The following DAB2IP variants were observed in gnomAD, a reference collection of about 807,000 sequenced individuals.
The protein encoded by DAB2IP is disabled homolog 2-interacting protein.
A neutral mutation model predicts 107.2 loss-of-function variants in DAB2IP; 28 were observed. That is an observed-to-expected ratio of 0.26 (90% CI 0.19 to 0.36). The LOEUF (loss-of-function observed/expected upper bound fraction) is 0.36. Ranked by LOEUF, DAB2IP falls within the 10% of genes least tolerant of loss-of-function variation. DAB2IP has a pLI of 1.00. For synonymous variants in DAB2IP, 755 were observed against 706.4 expected (o/e 1.07, Z -1.09); for missense variants, 1,400 against 1,644.7 (o/e 0.85, Z 2.57).
exon 16 of DAB2IP, chr9:121,783,275 T>TC (rs1835787916): frequency 7.3e-7 from 1 of 1,363,458 alleles, no homozygotes; most frequent in Non-Finnish European, 9.5e-7. Flanking sequence ...TTCCCACACC[T>TC]CCCACACAGG....
chr9:121,730,046 G>A (rs1341372111), intron 3 of DAB2IP, among the ~76,000 whole-genome samples: 1 of 152,104 alleles, frequency 6.6e-6, no homozygotes, highest in Non-Finnish European at 1.5e-5. Flanking sequence ...AAAGCTGTTG[G>A]TAAGGTCAGG....
intron 1 of DAB2IP, among the ~76,000 whole-genome samples, chr9:121,627,607 G>A (rs923820851): frequency 6.6e-6 from 1 of 151,982 alleles, no homozygotes; most frequent in African/African-American, 2.4e-5. Flanking sequence ...GAGTCGGTGG[G>A]TCATGATCTT....
chr9:121,693,837 A>G (rs1431239545), intron 2 of DAB2IP, among the ~76,000 whole-genome samples: 1 of 152,210 alleles, frequency 6.6e-6, no homozygotes, highest in African/African-American at 2.4e-5. Context: ...AGCACCTACT[A>G]TGTGCTAGGC....
At chr9:121,750,063 C>G (rs1190254225) in intron 3 of DAB2IP, among the ~76,000 whole-genome samples, 1 of 152,158 alleles carries the variant, frequency 6.6e-6, no homozygotes, top group Non-Finnish European at 1.5e-5. Context: ...TCACTGACAC[C>G]CCTGCCCTCC....
intron 1 of DAB2IP, among the ~76,000 whole-genome samples, chr9:121,625,696 TCTGAACTGTTGCTTC>T (rs1160567930): frequency 6.6e-6 from 1 of 151,398 alleles, no homozygotes; most frequent in African/African-American, 2.4e-5. Flanking sequence ...TGATGCCAGT[TCTGAACTGTTGCTTC>T]CTGGGGCACC....
At chr9:121,687,525 C>G (rs1021172381) in intron 2 of DAB2IP, among the ~76,000 whole-genome samples, 2 of 152,160 alleles carry the variant, frequency 1.3e-5, no homozygotes, top group African/African-American at 4.8e-5. Context: ...GTAAGGCGGG[C>G]ATTGTGGGAG....
intron 1 of DAB2IP, chr9:121,598,706 A>C (rs1830587892): frequency 6.6e-6 from 1 of 152,278 alleles, no homozygotes; most frequent in African/African-American, 2.4e-5. Context: ...TTGGCCCCAG[A>C]TCCGCGACTG....
chr9:121,672,398 T>A (rs1041747447), intron 1 of DAB2IP, among the ~76,000 whole-genome samples: 10 of 152,240 alleles, frequency 6.6e-5, no homozygotes, highest in African/African-American at 2.4e-4. Context: ...AGGATGTTCC[T>A]CAGGCCGCCG....
rs1288671804 is a variant in DAB2IP at position 121,635,112 on chromosome 9, G to A, written c.41-43566G>A. Among the ~76,000 whole-genome samples the A allele has an allele frequency of 2.0e-5, 3 of 152,342 alleles. No homozygotes were observed. Among genetic ancestry groups the A allele is most frequent in the South Asian group, 2.1e-4 (1 of 4,830 alleles). On this transcript the variant is annotated intron_variant, in intron 1 of 16. Coordinates refer to the DAB2IP transcript ENST00000259371. The surrounding 1 kb of genome is among the most constrained non-coding windows in gnomAD (Gnocchi z 4.3). ...GCTTGGCAGAGGGTGGCTATGGAGT[G>A]GAGGGGGCTGGAGAGGCCAGGCCTC...
At chr9:121,756,983 G>C (rs748316736) in intron 3 of DAB2IP, 30 bp from the exon 4 acceptor site, 1 of 1,613,030 alleles carries the variant, frequency 6.2e-7, no homozygotes, top group Admixed American at 1.7e-5. Flanking sequence ...GGCTGTGGGG[G>C]CCCACCTGAC....
chr9:121,575,053 G>A (rs1315519432), intron 1 of DAB2IP: 1 of 152,628 alleles, frequency 6.6e-6, no homozygotes, highest in African/African-American at 2.4e-5. Flanking sequence ...CCTGTGCCTG[G>A]AGCAGGGCGG....
intron 4 of DAB2IP, among the ~76,000 whole-genome samples, chr9:121,757,953 G>A (rs1319040869): frequency 3.9e-5 from 6 of 152,198 alleles, no homozygotes; most frequent in African/African-American, 9.6e-5. Context: ...CCCAGCCCTG[G>A]GGAAAAAACA....
At chr9:121,604,483 A>G (rs1252150908) in intron 1 of DAB2IP, among the ~76,000 whole-genome samples, 1 of 152,022 alleles carries the variant, frequency 6.6e-6, no homozygotes. Context: ...CCTGGCAAAC[A>G]CGGCCCCATG....
intron 3 of DAB2IP, among the ~76,000 whole-genome samples, chr9:121,739,553 A>G (rs1340115429): frequency 6.6e-6 from 1 of 152,164 alleles, no homozygotes; most frequent in Non-Finnish European, 1.5e-5. Context: ...GGGAAGATGG[A>G]GAGGAGTAAA....
At chr9:121,721,948 C>A (rs1379662028) in intron 3 of DAB2IP, among the ~76,000 whole-genome samples, 2 of 152,180 alleles carry the variant, frequency 1.3e-5, no homozygotes, top group Admixed American at 1.3e-4. Flanking sequence ...TCCTTGCATG[C>A]CCTGGACGTG....
At chr9:121,641,322 G>A (rs146576362) in intron 1 of DAB2IP, among the ~76,000 whole-genome samples, 16 of 152,296 alleles carry the variant, frequency 1.1e-4, no homozygotes, top group Middle Eastern at 3.4e-3. Context: ...CACCTACCTG[G>A]TCTTAGGATG....
intron 3 of DAB2IP, among the ~76,000 whole-genome samples, chr9:121,730,803 G>C (rs1470921357): frequency 6.6e-6 from 1 of 152,190 alleles, no homozygotes; most frequent in East Asian, 1.9e-4. Flanking sequence ...ACCTGTAAAG[G>C]AGGCATAATT....
At chr9:121,610,177 C>T (rs959470196) in intron 1 of DAB2IP, among the ~76,000 whole-genome samples, 13 of 152,164 alleles carry the variant, frequency 8.5e-5, no homozygotes, top group South Asian at 2.1e-4. Context: ...TGTACTGTGC[C>T]ATCTCACAGC....
At chr9:121,768,520 T>G (rs1834464741) in exon 10 of DAB2IP, 2 of 1,614,054 alleles carry the variant, frequency 1.2e-6, no homozygotes, top group Non-Finnish European at 1.7e-6. Flanking sequence ...GCTGGAGATC[T>G]CCAACCCCGA....
Sources: allele counts gnomAD v4.1 joint callset (sites outside exome capture counted in the v4.1 genomes callset), GRCh38; gene constraint gnomAD v4.1.1; non-coding constraint Gnocchi (gnomAD v3.1); transcripts MANE v1.5; gene names NCBI Gene and HGNC (gene_info 2026-07-23, HGNC 2026-07-21).